The following SEC63 variants were observed in gnomAD, a reference collection of about 807,000 sequenced individuals.
The protein encoded by SEC63 is SEC63 protein translocation regulator, also known as translocation protein SEC63 homolog.
Under a neutral mutation model 116.2 loss-of-function variants are expected in SEC63, and 56 were observed. The observed-to-expected ratio is 0.48, with a 90% CI of 0.39 to 0.60. The LOEUF (loss-of-function observed/expected upper bound fraction) is 0.60. SEC63 is among the 20% of genes least tolerant of loss of function. SEC63 has a pLI of 0.00. For missense variants in SEC63, 668 were observed against 900.0 expected, an observed-to-expected ratio of 0.74 and a Z score of 3.30; for synonymous variants, 273 against 294.6, an observed-to-expected ratio of 0.93 and a Z score of 0.75.
chr6:107,932,010 TCATTATGC>T (rs904116703), intron 1 of SEC63: 1 of 154,584 alleles, frequency 6.5e-6, no homozygotes, highest in African/African-American at 2.4e-5. Flanking sequence ...ACAAGCTTTA[TCATTATGC>T]CATTATCAAG....
intron 7 of SEC63, among the ~76,000 whole-genome samples, chr6:107,909,376 CAA>C (rs960279937): frequency 4.6e-4 from 29 of 63,540 alleles, no homozygotes; most frequent in Non-Finnish European, 4.8e-4. Flanking sequence ...GACTCTGTCT[CAA>C]AAAAAAAAAA....
At chr6:107,947,793 G>A (rs561645032) in intron 1 of SEC63, among the ~76,000 whole-genome samples, 9 of 151,970 alleles carry the variant, frequency 5.9e-5, no homozygotes. Context: ...ACCTGTCACT[G>A]GAAAGAGCCT....
chr6:107,949,817 T>C (rs199548572), intron 1 of SEC63, among the ~76,000 whole-genome samples: 2 of 152,150 alleles, frequency 1.3e-5, no homozygotes, highest in East Asian at 3.9e-4. Context: ...TTTGTTTGTT[T>C]GTAGGAACAC....
chr6:107,921,493 C>T (rs202038807), intron 4 of SEC63, among the ~76,000 whole-genome samples: 3 of 150,272 alleles, frequency 2.0e-5, no homozygotes, highest in East Asian at 3.9e-4. Flanking sequence ...TTACTGTCAT[C>T]GAAGTTGGGC....
intron 13 of SEC63, among the ~76,000 whole-genome samples, chr6:107,901,065 T>A (rs1438005075): frequency 6.6e-6 from 1 of 152,218 alleles, no homozygotes; most frequent in Non-Finnish European, 1.5e-5. Flanking sequence ...ATTCTTTTAT[T>A]ATGCCTGGAA....
chr6:107,953,510 C>T (rs1317986091), intron 1 of SEC63, among the ~76,000 whole-genome samples: 6 of 120,752 alleles, frequency 5.0e-5, no homozygotes, highest in Admixed American at 1.7e-4. Context: ...CCGCCCCGTC[C>T]GGGAGGGAGG....
intron 1 of SEC63, among the ~76,000 whole-genome samples, chr6:107,939,429 G>A (rs887598393): frequency 6.6e-6 from 1 of 152,088 alleles, no homozygotes; most frequent in Non-Finnish European, 1.5e-5. Context: ...AACCTAATTG[G>A]CAAAGGCAGT....
intron 1 of SEC63, chr6:107,957,663 G>A (rs1412278145): frequency 1.4e-5 from 5 of 356,256 alleles, no homozygotes; most frequent in African/African-American, 6.5e-5. Context: ...GGAGAAGATG[G>A]AGCGAGCGAA....
chr6:107,929,225 TA>T (rs1446580419), intron 2 of SEC63, among the ~76,000 whole-genome samples, 189 bp downstream of exon 2: 1 of 152,230 alleles, frequency 6.6e-6, no homozygotes, highest in Non-Finnish European at 1.5e-5. Flanking sequence ...AGCAACAGTA[TA>T]CTCCCCTTCC....
At position 107,909,019 on chromosome 6, in the gene SEC63, C is replaced by T. The variant is rs755852710; in HGVS notation, c.641G>A (p.Arg214His). Residue 214 changes from arginine (R) to histidine (H), a missense_variant, in exon 8 of 21, where the codon CGC becomes CAC. By Grantham distance (29) the Arg-to-His change is conservative (BLOSUM62 0). Transcript: ENST00000369002. ...LPVVVGSWWY[R>H]SIRYSGDQIL... is the part of the protein sequence containing the mutation. ...CTGGTCTCCACTATAGCGTATTGAG[C>T]GATACCACCAAGAGCCCTAAAACAC... 12 of 1,610,526 alleles carry T rather than the reference C, an allele frequency of 7.5e-6. No homozygotes were observed. Among genetic ancestry groups the T allele is most frequent in the East Asian group, 4.5e-5 (2 of 44,842 alleles).
intron 4 of SEC63, among the ~76,000 whole-genome samples, chr6:107,920,055 T>C (rs1356802480): frequency 3.3e-5 from 5 of 152,056 alleles, no homozygotes; most frequent in Non-Finnish European, 7.4e-5. Flanking sequence ...AGAATGTAAT[T>C]TGTCAAAGGC....
intron 13 of SEC63, among the ~76,000 whole-genome samples, chr6:107,898,513 T>A (rs560864468): frequency 6.6e-6 from 1 of 152,258 alleles, no homozygotes; most frequent in Non-Finnish European, 1.5e-5. Flanking sequence ...AAAGCTAGTA[T>A]TCCTAACCAC....
chr6:107,931,112 G>A (rs931809177), intron 1 of SEC63, among the ~76,000 whole-genome samples: 9 of 152,066 alleles, frequency 5.9e-5, no homozygotes, highest in African/African-American at 1.4e-4. Flanking sequence ...GGCGGATCAC[G>A]AGGTCAGGAA....
chr6:107,894,787 A>G (rs1786775975), intron 14 of SEC63, among the ~76,000 whole-genome samples: 2 of 151,392 alleles, frequency 1.3e-5, no homozygotes, highest in Non-Finnish European at 1.5e-5. Flanking sequence ...TTTTTTTTTA[A>G]AGACAGTGGT....
intron 14 of SEC63, 73 bp from the exon 15 acceptor site, chr6:107,893,970 T>C: frequency 6.8e-7 from 1 of 1,479,600 alleles, no homozygotes; most frequent in Non-Finnish European, 9.4e-7. Context: ...AAAGCAATCT[T>C]TCAAACTGCA....
chr6:107,934,691 G>A (rs1247267244), intron 1 of SEC63, among the ~76,000 whole-genome samples: 9 of 62,816 alleles, frequency 1.4e-4, no homozygotes, highest in South Asian at 7.7e-4. Context: ...CCCCCTGCCC[G>A]GCCAGCCGCC....
chr6:107,923,153 A>AT lies in SEC63; in HGVS notation c.340-1245dup, dbSNP rs200407116. 1.3e-4 allele frequency among the ~76,000 whole-genome samples: 20 copies of AT among 150,780 alleles called. 1 individual carries two copies. The highest frequency in any genetic ancestry group is 5.8e-4 in the East Asian group (3 of 5,150). On this transcript the variant is annotated intron_variant, in intron 3 of 20. Coordinates refer to ENST00000369002, the MANE Select transcript of SEC63 (RefSeq NM_007214.5). ...AACATTCTACTGATAAACACAAAAGATTTTTTTTTTGAGACAGTCTTGCTC... is the reference window on the plus strand; with the variant it reads ...AACATTCTACTGATAAACACAAAAGATTTTTTTTTTTGAGACAGTCTTGCTC...
chr6:107,926,024 G>A lies in SEC63; in HGVS notation c.225-1092C>T, dbSNP rs1787667150. 3.3e-5 allele frequency among the ~76,000 whole-genome samples: 5 copies of A among 152,172 alleles called. No individual in the cohort carries two copies. In the South Asian group the frequency reaches 1.0e-3, roughly 32 times the overall value. The stretch of plus-strand genomic sequence containing the variant: ...GTAGAGATGGGGTTTCACCATGTTG[G>A]CCAGGCTGGTCTCAAACTCCTGACC... On this transcript the variant is annotated intron_variant, in intron 2 of 20. Coordinates refer to ENST00000369002, the MANE Select transcript of SEC63 (RefSeq NM_007214.5).
Position 107,903,003 on chromosome 6 carries a change from G to C in SEC63, c.1055-5C>G. On this transcript the variant is annotated splice_region_variant and splice_polypyrimidine_tract_variant and intron_variant, in intron 11 of 20. Coordinates refer to ENST00000369002, the MANE Select transcript of SEC63 (RefSeq NM_007214.5). ...TTGGAGCACGAAACTCCCTTTCTTA[G>C]AAAGAACAGGAAAAAAAGAAACAGG... 6.2e-7 allele frequency: 1 copy of C among 1,613,854 alleles called. No individual in the cohort carries two copies. Among genetic ancestry groups the C allele is most frequent in the Non-Finnish European group, 8.5e-7 (1 of 1,179,918 alleles).
Sources: gnomAD v4.1 joint callset for allele counts (sites outside exome capture counted in the v4.1 genomes callset) on GRCh38, gnomAD v4.1.1 for gene constraint, MANE v1.5 for transcripts, NCBI Gene and HGNC (gene_info 2026-07-23, HGNC 2026-07-21) for gene names.